The following NFASC variants were observed in gnomAD, a reference collection of about 807,000 sequenced individuals.
The protein encoded by NFASC is neurofascin homolog.
NFASC carries 43 observed loss-of-function variants against 147.5 expected under a neutral mutation model. The ratio of observed to expected loss-of-function variants is 0.29; its 90% CI spans 0.23 to 0.38. The LOEUF (loss-of-function observed/expected upper bound fraction) is 0.38, where lower values mean the gene tolerates loss of function less well. Among genes scored for constraint, NFASC ranks in the 10% least tolerant of loss-of-function variants. The pLI is 1.00. For synonymous variants in NFASC, 622 were observed against 665.5 expected (o/e 0.93, Z 1.01); for missense variants, 1,320 against 1,689.0 (o/e 0.78, Z 3.83).
At position 204,920,752 on chromosome 1, in the gene NFASC, T is replaced by C. The variant is rs774538149; in HGVS notation, c.-91+12T>C. ...ATGAGGCAGAGAAGGTAAGCAGGAC[T>C]TGGGCCTGGGGTATGTGTCATTGGA... is the stretch of plus-strand genomic sequence containing the variant. On this transcript the variant is annotated intron_variant, in intron 2 of 29. Coordinates refer to ENST00000339876, the MANE Select transcript of NFASC (RefSeq NM_001005388.3). 4.7e-5 allele frequency: 58 copies of C among 1,241,192 alleles called. No homozygotes were observed. Among genetic ancestry groups the C allele is most frequent in the Non-Finnish European group, 6.1e-5 (58 of 944,904 alleles). 76.9% of individuals were successfully genotyped at this position (1,241,192 alleles called of 1,614,324 possible).
At position 205,017,922 on chromosome 1, in the gene NFASC, C is replaced by CA. The variant is rs2096374549; in HGVS notation, c.*1383_*1384insA. ...GGAGTTCCCAGGTTCCCAGCTCCCCCCCTGCAAGCCTTGAAGCCTCCAGCA... is the reference window on the plus strand; with the variant it reads ...GGAGTTCCCAGGTTCCCAGCTCCCCCACCTGCAAGCCTTGAAGCCTCCAGCA... On this transcript the variant is annotated 3_prime_UTR_variant, in exon 30 of 30. Transcript: ENST00000339876. 1 of 152,924 alleles carries CA rather than the reference C, an allele frequency of 6.5e-6. No homozygotes were observed. The allele number at this position is 152,924 out of a possible 1,614,324, so 9.5% of individuals were successfully genotyped here.
At chr1:204,998,837 CT>C (rs2095908440) in intron 25 of NFASC, 1 of 152,178 alleles carries the variant, frequency 6.6e-6, no homozygotes, top group Non-Finnish European at 1.5e-5. Flanking sequence ...AGTTACTTGC[CT>C]TCTGAAACAC....
intron 1 of NFASC, among the ~76,000 whole-genome samples, chr1:204,846,200 C>CAAAAAAAAAA (rs60005710): frequency 2.7e-5 from 3 of 109,834 alleles, no homozygotes; most frequent in South Asian, 6.0e-4. Context: ...CCTGTCTATA[C>CAAAAAAAAAA]AAAAAAAAAA....
chr1:204,965,777 A>G (rs1233916157), intron 8 of NFASC, among the ~76,000 whole-genome samples: 3 of 152,242 alleles, frequency 2.0e-5, no homozygotes, highest in Non-Finnish European at 4.4e-5. Context: ...GACTGTCAGA[A>G]GTAGGAACAA....
At chr1:204,839,245 A>G (rs552299352) in intron 1 of NFASC, among the ~76,000 whole-genome samples, 2 of 152,276 alleles carry the variant, frequency 1.3e-5, no homozygotes, top group East Asian at 3.9e-4. Context: ...ATGAATACAA[A>G]TAATATTTAT....
intron 27 of NFASC, among the ~76,000 whole-genome samples, chr1:205,007,025 G>T (rs1360321059): frequency 6.6e-6 from 1 of 152,018 alleles, no homozygotes; most frequent in African/African-American, 2.4e-5. Context: ...GAATAGAGGG[G>T]CTTGAAGTCA....
chr1:204,974,153 C>T (rs772178382), intron 12 of NFASC, 26 bp from the exon 13 acceptor site: 15 of 1,586,024 alleles, frequency 9.5e-6, no homozygotes, highest in Middle Eastern at 3.3e-4. Context: ...ACTTGGCACT[C>T]GAGATTGCTT....
intron 1 of NFASC, among the ~76,000 whole-genome samples, chr1:204,839,756 T>A (rs1253861610): frequency 6.6e-6 from 1 of 152,234 alleles, no homozygotes; most frequent in East Asian, 1.9e-4. Context: ...TTTTTCTTTT[T>A]GTCACTTAAA....
chr1:204,879,015 AAAG>A (rs2079588329), intron 1 of NFASC, among the ~76,000 whole-genome samples: 1 of 152,230 alleles, frequency 6.6e-6, no homozygotes, highest in Admixed American at 6.5e-5. Flanking sequence ...GAGTGGAAAA[AAAG>A]AAGGTTATTT....
At chr1:204,992,388 C>G (rs1333140880) in intron 24 of NFASC, among the ~76,000 whole-genome samples, 2 of 152,186 alleles carry the variant, frequency 1.3e-5, no homozygotes, top group Non-Finnish European at 2.9e-5. Flanking sequence ...TCATCCCCAC[C>G]CCCATCCTAG....
Position 204,906,512 on chromosome 1 carries a change from G to A in NFASC, c.-199-14120G>A, listed in dbSNP as rs115893604. Among the ~76,000 whole-genome samples, 36 of 152,212 alleles carry A rather than the reference G, an allele frequency of 2.4e-4. 1 individual carries two copies. The highest frequency in any genetic ancestry group is 6.5e-4 in the African/African-American group (27 of 41,530). ...CATGTATTTGAGATGCCTCTAACTC[G>A]CTGCGTGTATCAGTAGAACATTGCT... On this transcript the variant is annotated intron_variant, in intron 1 of 29. Transcript: ENST00000339876.
rs2095414501 is a variant in NFASC, at chr1:204,976,804, C to G, written c.1831+9C>G. The G allele has an allele frequency of 6.2e-7, 1 of 1,611,858 alleles. No homozygotes were observed. The highest frequency in any genetic ancestry group is 8.5e-7 in the Non-Finnish European group (1 of 1,178,886). ...CTACCTCACCGTGCTAGGTAACTGC[C>G]CATGCTCACCCTGGCACTGACCAGC... On this transcript the variant is annotated intron_variant, in intron 16 of 29. Coordinates refer to ENST00000339876, the MANE Select transcript of NFASC (RefSeq NM_001005388.3).
chr1:204,915,120 A>C (rs1038565799), intron 1 of NFASC, among the ~76,000 whole-genome samples: 6 of 152,100 alleles, frequency 3.9e-5, no homozygotes, highest in Admixed American at 6.5e-5. Flanking sequence ...TCTACTAAAA[A>C]TACAAAAAAA....
chr1:205,017,530 G>C lies in NFASC; in HGVS notation c.*991G>C, dbSNP rs2096371312. 6.5e-6 allele frequency: 1 copy of C among 152,704 alleles called. No homozygotes were observed. The highest frequency in any genetic ancestry group is 1.5e-5 in the Non-Finnish European group (1 of 68,102). 9.5% of individuals were successfully genotyped at this position (152,704 alleles called of 1,614,324 possible). A position where few individuals can be genotyped will look rare whatever the true frequency, so the allele number is the denominator to read the frequency against. ...TGGTGAAACCCAGGATGTAGATAGA[G>C]GGCCACACCCACCCTGTCCAGAGTA... On this transcript the variant is annotated 3_prime_UTR_variant, in exon 30 of 30. Transcript: ENST00000339876.
intron 3 of NFASC, chr1:204,948,512 G>A (rs2093925092): frequency 4.1e-6 from 2 of 488,504 alleles, no homozygotes; most frequent in Non-Finnish European, 4.1e-6. Flanking sequence ...TCTCCAGAAT[G>A]TCAAGGAGAG....
In NFASC at chr1:204,877,022, AT is replaced by A. The variant is rs1465547417; in HGVS notation, c.-199-43609del. Among the ~76,000 whole-genome samples, 61 of 103,510 alleles carry A rather than the reference AT, an allele frequency of 5.9e-4. 1 individual carries two copies. The highest frequency in any genetic ancestry group is 2.6e-3 in the African/African-American group (54 of 20,752). 67.9% of individuals were successfully genotyped at this position (103,510 alleles called of 152,430 possible). A position where few individuals can be genotyped will look rare whatever the true frequency, so the allele number is the denominator to read the frequency against. On this transcript the variant is annotated intron_variant, in intron 1 of 29. Transcript: ENST00000339876. Reference sequence around the variant, plus strand: ...TATATATATATATATATATATATATATATATAATATATATTTATATATATAT... The same window carrying A: ...TATATATATATATATATATATATATAATATAATATATATTTATATATATAT...
intron 21 of NFASC, among the ~76,000 whole-genome samples, chr1:204,985,319 C>T (rs1454100820): frequency 6.6e-6 from 1 of 152,216 alleles, no homozygotes; most frequent in Non-Finnish European, 1.5e-5. Context: ...CCTGGCATCC[C>T]ACTGACTTGG....
intron 8 of NFASC, among the ~76,000 whole-genome samples, chr1:204,966,171 A>G (rs1329966418): frequency 6.6e-6 from 1 of 152,128 alleles, no homozygotes; most frequent in East Asian, 1.9e-4. Flanking sequence ...TACAAATGCA[A>G]TATTGCTGTA....
At chr1:204,876,996 G>GTATATATATATATATATATA (rs60582969) in intron 1 of NFASC, among the ~76,000 whole-genome samples, 2 of 74,682 alleles carry the variant, frequency 2.7e-5, no homozygotes, top group African/African-American at 1.2e-4. Context: ...GGCTAAATAT[G>GTATATATATATATATATATA]TATATATATA....
Sources: gnomAD v4.1 joint callset for allele counts (sites outside exome capture counted in the v4.1 genomes callset) on GRCh38, gnomAD v4.1.1 for gene constraint, MANE v1.5 for transcripts, NCBI Gene and HGNC (gene_info 2026-07-23, HGNC 2026-07-21) for gene names.